Variants in PTPRR observed in about 807,000 individuals in gnomAD.
The protein encoded by PTPRR is receptor-type tyrosine-protein phosphatase R.
In PTPRR, 38 loss-of-function variants were observed where a neutral mutation model predicts 77.2. The ratio of observed to expected loss-of-function variants is 0.49; its 90% CI spans 0.38 to 0.65. The LOEUF is 0.65. Among genes scored for constraint, PTPRR ranks in the 30% least tolerant of loss-of-function variants. The pLI, the probability that PTPRR is intolerant of heterozygous loss-of-function variation, is 0.00. For synonymous variants in PTPRR, 299 were observed against 283.1 expected (o/e 1.06, Z -0.57); for missense variants, 744 against 799.2 (o/e 0.93, Z 0.83).
chr12:70,707,573 A>T (rs1888664045), intron 6 of PTPRR, among the ~76,000 whole-genome samples: 1 of 152,070 alleles, frequency 6.6e-6, no homozygotes, highest in African/African-American at 2.4e-5. Context: ...TTTTTTCACC[A>T]TTATAAACAA....
intron 8 of PTPRR, 54 bp downstream of exon 8, chr12:70,698,211 C>A (rs1006119907): frequency 6.8e-7 from 1 of 1,481,438 alleles, no homozygotes; most frequent in Non-Finnish European, 9.4e-7. Context: ...CTCCTAATGG[C>A]TATCCCTCCC....
At chr12:70,691,621 G>T (rs964987119) in intron 8 of PTPRR, among the ~76,000 whole-genome samples, 3 of 152,148 alleles carry the variant, frequency 2.0e-5, no homozygotes, top group Non-Finnish European at 4.4e-5. Flanking sequence ...CCACAGGTTT[G>T]TGAAACTCCT....
At chr12:70,778,608 TC>T (rs1335476861) in intron 2 of PTPRR, among the ~76,000 whole-genome samples, 1 of 152,258 alleles carries the variant, frequency 6.6e-6, no homozygotes, top group Non-Finnish European at 1.5e-5. Flanking sequence ...GCTAAAATTC[TC>T]TGAGGTCTGC....
At chr12:70,703,936 T>C (rs972975166) in intron 6 of PTPRR, among the ~76,000 whole-genome samples, 2 of 152,102 alleles carry the variant, frequency 1.3e-5, no homozygotes, top group Non-Finnish European at 2.9e-5. Context: ...AGGTGAGTTT[T>C]TGGTCTAGAG....
chr12:70,789,719 G>C (rs540407944), intron 2 of PTPRR, among the ~76,000 whole-genome samples: 146 of 152,136 alleles, frequency 9.6e-4, no homozygotes, highest in African/African-American at 3.2e-3. Context: ...TGAAACACTA[G>C]GAATTCCATG....
chr12:70,810,185 C>A (rs562830081), intron 2 of PTPRR, among the ~76,000 whole-genome samples: 2 of 151,964 alleles, frequency 1.3e-5, no homozygotes, highest in Non-Finnish European at 2.9e-5. Context: ...AAAGAGCTAC[C>A]CTGAAGTTAT....
chr12:70,754,593 T>C lies in PTPRR; in HGVS notation c.628-292A>G, dbSNP rs374590029. 1.7e-4 allele frequency: 271 copies of C among 1,597,858 alleles called. 1 individual carries two copies. Among genetic ancestry groups the C allele is most frequent in the Non-Finnish European group, 2.1e-4 (246 of 1,179,486 alleles). ...TCTCTCTTGGAAACTACCTGGTTCA[T>C]AGGTAAGAGAGTTCTGTTCTTTTCT... On this transcript the variant is annotated intron_variant, in intron 4 of 13. Coordinates refer to ENST00000283228, the MANE Select transcript of PTPRR (RefSeq NM_002849.4).
At position 70,656,744 on chromosome 12, in the gene PTPRR, C is replaced by T; in HGVS notation, c.1840G>A (p.Val614Met). The part of the protein sequence containing the change: ...GCQQLKEEGV[V>M]DALSIVCQLR... ...TGGCAGACAATGCTTAGTGCATCCACAACTCCTTCTTCTTTCAGCTGTTGA... is the reference window on the plus strand; with the variant it reads ...TGGCAGACAATGCTTAGTGCATCCATAACTCCTTCTTCTTTCAGCTGTTGA... Residue 614 changes from valine (V) to methionine (M), a missense_variant, in exon 13 of 14, where the codon GTG becomes ATG. This residue lies in a region of PTPRR where 170 missense variants were observed against 209.8 expected (regional missense o/e 0.81). Coordinates refer to ENST00000283228, the MANE Select transcript of PTPRR (RefSeq NM_002849.4). 1 of 1,614,016 alleles carries T rather than the reference C, an allele frequency of 6.2e-7. No individual in the cohort carries two copies. Among genetic ancestry groups the T allele is most frequent in the Non-Finnish European group, 8.5e-7 (1 of 1,179,974 alleles).
intron 10 of PTPRR, among the ~76,000 whole-genome samples, chr12:70,669,701 G>C (rs1432545665): frequency 3.3e-5 from 5 of 151,816 alleles, no homozygotes; most frequent in Non-Finnish European, 5.9e-5. Context: ...AGTAGCTGGG[G>C]CTACATTTGT....
chr12:70,721,195 G>T lies in PTPRR; in HGVS notation c.1008-19872C>A, dbSNP rs146406503. ...CAAATATCCTAAAGTTCTCCAGTTA[G>T]AAATAGGTTAGAAATATACCGAGGA... On this transcript the variant is annotated intron_variant, in intron 6 of 13. Transcript: ENST00000283228. Among the ~76,000 whole-genome samples the T allele has an allele frequency of 4.0e-3, 603 of 152,306 alleles. 3 individuals are homozygous for T. Among genetic ancestry groups the T allele is most frequent in the African/African-American group, 0.013 (527 of 41,574 alleles).
At chr12:70,812,969 C>G (rs1322863154) in intron 2 of PTPRR, among the ~76,000 whole-genome samples, 3 of 152,176 alleles carry the variant, frequency 2.0e-5, no homozygotes, top group Admixed American at 1.3e-4. Flanking sequence ...TTTTGAGTAT[C>G]AAATTAGTTT....
At chr12:70,872,619 C>T (rs1361578829) in intron 2 of PTPRR, among the ~76,000 whole-genome samples, 1 of 146,604 alleles carries the variant, frequency 6.8e-6, no homozygotes, top group Non-Finnish European at 1.5e-5. Context: ...TGGCATGAAC[C>T]CAGGAGGCAG....
At chr12:70,856,045 C>T (rs1892646105) in intron 2 of PTPRR, among the ~76,000 whole-genome samples, 1 of 152,046 alleles carries the variant, frequency 6.6e-6, no homozygotes, top group Non-Finnish European at 1.5e-5. Context: ...TCTTCAAGGA[C>T]TGTTTTAGAA....
At chr12:70,687,040 CAGGT>C (rs1044596521) in intron 8 of PTPRR, among the ~76,000 whole-genome samples, 49 of 152,044 alleles carry the variant, frequency 3.2e-4, no homozygotes, top group African/African-American at 1.1e-3. Flanking sequence ...CTATATGTGT[CAGGT>C]AGAGCAGGTA....
intron 2 of PTPRR, among the ~76,000 whole-genome samples, chr12:70,815,266 A>G (rs1204237138): frequency 6.6e-6 from 1 of 152,132 alleles, no homozygotes; most frequent in Non-Finnish European, 1.5e-5. Flanking sequence ...AAGACACAGC[A>G]ATAGAAACTT....
intron 2 of PTPRR, among the ~76,000 whole-genome samples, chr12:70,874,877 G>C (rs949415354): frequency 6.8e-6 from 1 of 147,928 alleles, no homozygotes; most frequent in Non-Finnish European, 1.5e-5. Flanking sequence ...AGCGGAGATC[G>C]GGCCACTGCA....
At chr12:70,912,137 C>T (rs1165237415) in intron 1 of PTPRR, among the ~76,000 whole-genome samples, 4 of 152,174 alleles carry the variant, frequency 2.6e-5, no homozygotes. Flanking sequence ...CATACATTTA[C>T]ATTAATGGAT....
intron 2 of PTPRR, among the ~76,000 whole-genome samples, chr12:70,811,548 G>A (rs1182318135): frequency 6.6e-6 from 1 of 152,188 alleles, no homozygotes; most frequent in Non-Finnish European, 1.5e-5. Flanking sequence ...AAACACAGCA[G>A]AAACCTTAGA....
Position 70,876,424 on chromosome 12 carries a change from T to C in PTPRR, c.357+16255A>G, listed in dbSNP as rs143302230. ...ATGTACATTGACTCAGAAGAATAGT[T>C]TCAGAAAGTAGTGTATATACAAACG... On this transcript the variant is annotated intron_variant, in intron 2 of 13. Coordinates refer to ENST00000283228, the MANE Select transcript of PTPRR (RefSeq NM_002849.4). Among the ~76,000 whole-genome samples the C allele has an allele frequency of 1.1e-3, 160 of 152,228 alleles. 1 individual carries two copies. The highest frequency in any genetic ancestry group is 3.7e-3 in the African/African-American group (154 of 41,542).
Sources: gnomAD v4.1 joint callset for allele counts (sites outside exome capture counted in the v4.1 genomes callset) on GRCh38, gnomAD v4.1.1 for gene constraint, gnomAD v4.1.1 regional missense constraint, MANE v1.5 for transcripts, NCBI Gene and HGNC (gene_info 2026-07-23, HGNC 2026-07-21) for gene names.